CCDC39: variants seen among roughly 807,000 people sequenced by gnomAD.
CCDC39 encodes coiled-coil domain 39 molecular ruler complex subunit.
In CCDC39, 113 loss-of-function variants were observed where a neutral mutation model predicts 121.0. The observed-to-expected ratio is 0.93, with a 90% confidence interval of 0.80 to 1.09. The LOEUF (loss-of-function observed/expected upper bound fraction) is 1.09. Ranked by LOEUF, CCDC39 falls within the 50% of genes least tolerant of loss-of-function variation. The pLI is 0.00. For synonymous variants in CCDC39, 349 were observed against 352.2 expected, an observed-to-expected ratio of 0.99 and a Z score of 0.10; for missense variants, 1,063 against 1,074.7, an observed-to-expected ratio of 0.99 and a Z score of 0.15.
At chr3:180,647,913 G>A (rs1429677727) in intron 10 of CCDC39, among the ~76,000 whole-genome samples, 1 of 151,872 alleles carries the variant, frequency 6.6e-6, no homozygotes, top group Non-Finnish European at 1.5e-5. Flanking sequence ...AATGTCTCAG[G>A]TTCCTTTAAA....
rs754453046 is a variant in CCDC39, at chr3:180,654,879, A to G, written c.813T>C (p.Ser271=). 1 of 1,595,146 alleles carries G rather than the reference A, an allele frequency of 6.3e-7. No individual in the cohort carries two copies. Among genetic ancestry groups the G allele is most frequent in the South Asian group, 1.2e-5 (1 of 85,854 alleles). Reference sequence around the variant, plus strand: ...CAAACTCTGTGTTATTCCCAATCTCACTTTCCAAAAACTTGATCTTTTCTT... The same window carrying G: ...CAAACTCTGTGTTATTCCCAATCTCGCTTTCCAAAAACTTGATCTTTTCTT... ...LVKEKIKFLE[S]EIGNNTEFEK... The change falls in exon 7 of 20, where the codon AGT becomes AGC. Residue 271 remains serine (S), a synonymous_variant. Coordinates refer to ENST00000476379, the MANE Select transcript of CCDC39 (RefSeq NM_181426.2).
chr3:180,644,092 A>T, intron 12 of CCDC39, 28 bp downstream of exon 12: 1 of 1,480,054 alleles, frequency 6.8e-7, no homozygotes, highest in Middle Eastern at 1.7e-4. Context: ...GGTTTTCAAT[A>T]CTACATATGC....
intron 13 of CCDC39, among the ~76,000 whole-genome samples, chr3:180,641,533 G>C (rs1198053986): frequency 1.3e-5 from 2 of 152,114 alleles, no homozygotes; most frequent in African/African-American, 2.4e-5. Flanking sequence ...GTTAGAACAA[G>C]ATTGTTAAGC....
At chr3:180,677,185 T>TATAC (rs1201481385) in intron 1 of CCDC39, among the ~76,000 whole-genome samples, 3 of 84,934 alleles carry the variant, frequency 3.5e-5, no homozygotes, top group Non-Finnish European at 6.8e-5. Flanking sequence ...TATATATATA[T>TATAC]ATATATATAT....
intron 16 of CCDC39, among the ~76,000 whole-genome samples, chr3:180,618,794 A>C (rs1279758646): frequency 6.6e-6 from 1 of 152,002 alleles, no homozygotes; most frequent in Non-Finnish European, 1.5e-5. Flanking sequence ...CATTTTCTTA[A>C]TCCAGTCTAT....
At chr3:180,663,562 C>T (rs372472222) in intron 2 of CCDC39, among the ~76,000 whole-genome samples, 1 of 151,058 alleles carries the variant, frequency 6.6e-6, no homozygotes, top group Non-Finnish European at 1.5e-5. Flanking sequence ...CCCAGCTACT[C>T]GGGAGGCTGA....
intron 10 of CCDC39, among the ~76,000 whole-genome samples, 171 bp downstream of exon 10, chr3:180,647,994 T>C (rs1429412589): frequency 6.6e-6 from 1 of 152,118 alleles, no homozygotes; most frequent in Non-Finnish European, 1.5e-5. Flanking sequence ...AAAAAATAGT[T>C]TTTAAGGCTC....
chr3:180,621,984 T>A (rs944540959), intron 14 of CCDC39, among the ~76,000 whole-genome samples: 5 of 152,122 alleles, frequency 3.3e-5, no homozygotes, highest in African/African-American at 1.2e-4. Context: ...TTGATAGGGG[T>A]TGCATTGAAT....
intron 7 of CCDC39, among the ~76,000 whole-genome samples, chr3:180,654,529 T>C (rs1711537697): frequency 1.3e-5 from 2 of 151,340 alleles, no homozygotes; most frequent in African/African-American, 2.4e-5. Flanking sequence ...AGAAAATATT[T>C]GCAAACCATT....
chr3:180,628,189 C>T (rs1402899232), intron 14 of CCDC39, among the ~76,000 whole-genome samples: 1 of 152,142 alleles, frequency 6.6e-6, no homozygotes, highest in Non-Finnish European at 1.5e-5. Context: ...TCTTGGACTT[C>T]TAGACTCCAG....
intron 19 of CCDC39, among the ~76,000 whole-genome samples, chr3:180,615,897 T>C (rs1310461511): frequency 2.6e-5 from 4 of 152,194 alleles, no homozygotes. Context: ...ATCACAAAAA[T>C]CATATTCTAT....
chr3:180,620,833 A>G (rs1220930404), intron 14 of CCDC39, among the ~76,000 whole-genome samples: 2 of 152,182 alleles, frequency 1.3e-5, no homozygotes, highest in African/African-American at 4.8e-5. Context: ...TATATTGTGT[A>G]GTGGTGACTA....
intron 13 of CCDC39, among the ~76,000 whole-genome samples, chr3:180,633,036 T>C (rs976279082): frequency 1.3e-5 from 2 of 152,194 alleles, no homozygotes; most frequent in African/African-American, 4.8e-5. Context: ...AGGAATGAGA[T>C]AAAGTCTTCA....
chr3:180,640,610 A>C (rs933539538), intron 13 of CCDC39, among the ~76,000 whole-genome samples: 2 of 152,102 alleles, frequency 1.3e-5, no homozygotes, highest in African/African-American at 4.8e-5. Context: ...ATCATCTCTA[A>C]AAATACTACA....
At chr3:180,650,402 C>CA (rs1311989339) in intron 9 of CCDC39, among the ~76,000 whole-genome samples, 4 of 151,748 alleles carry the variant, frequency 2.6e-5, no homozygotes, top group Non-Finnish European at 4.4e-5. Context: ...AATTTGATTA[C>CA]AAAAAAACAG....
chr3:180,645,585 T>A (rs1718050077), intron 11 of CCDC39, among the ~76,000 whole-genome samples: 2 of 152,138 alleles, frequency 1.3e-5, no homozygotes, highest in Non-Finnish European at 2.9e-5. Flanking sequence ...TGTGATTTTA[T>A]AAAATTAAAT....
chr3:180,642,000 T>C lies in CCDC39; in HGVS notation c.1867A>G (p.Asn623Asp). The C allele has an allele frequency of 2.5e-6, 4 of 1,578,556 alleles. No homozygotes were observed. The South Asian group carries it at 3.6e-5, about 14-fold the overall frequency. ...TTTAAAACTGAAAATTACCTTATGT[T>C]TTCCCGTTCTTGATCAACATATCTT... is the stretch of plus-strand genomic sequence containing the variant. ...QIRYVDQERENISTEFRERLS... is the reference protein window; with the variant it reads ...QIRYVDQEREDISTEFRERLS... The change falls in exon 13 of 20, where the codon AAC becomes GAC. Residue 623 changes from asparagine (N) to aspartate (D), a missense_variant. Asn to Asp is a conservative substitution (Grantham distance 23, BLOSUM62 1). Transcript: ENST00000476379.
intron 6 of CCDC39, among the ~76,000 whole-genome samples, chr3:180,655,872 G>T (rs1711565647): frequency 6.6e-6 from 1 of 152,156 alleles, no homozygotes; most frequent in Non-Finnish European, 1.5e-5. Flanking sequence ...TGATGCTGAT[G>T]GCAATAAGTT....
intron 12 of CCDC39, 45 bp from the exon 13 acceptor site, chr3:180,642,246 T>C: frequency 7.6e-7 from 1 of 1,321,626 alleles, no homozygotes; most frequent in Non-Finnish European, 1.0e-6. Context: ...TATTTTTAAT[T>C]GCAAAACCAA....
Sources: gnomAD v4.1 joint callset for allele counts (sites outside exome capture counted in the v4.1 genomes callset) on GRCh38, gnomAD v4.1.1 for gene constraint, MANE v1.5 for transcripts, NCBI Gene and HGNC (gene_info 2026-07-23, HGNC 2026-07-21) for gene names.